The following MICAL2 variants were observed in gnomAD, a reference collection of about 807,000 sequenced individuals.
MICAL2 encodes microtubule associated monooxygenase, calponin and LIM domain containing 2.
Under a neutral mutation model 127.3 loss-of-function variants are expected in MICAL2, and 77 were observed. The ratio of observed to expected loss-of-function variants is 0.60; its 90% CI spans 0.50 to 0.73. The LOEUF (loss-of-function observed/expected upper bound fraction) is 0.73. MICAL2 is among the 30% of genes least tolerant of loss of function. MICAL2 has a pLI of 0.00. For missense variants in MICAL2, 1,351 were observed against 1,434.4 expected, an observed-to-expected ratio of 0.94 and a Z score of 0.94; for synonymous variants, 570 against 551.1, an observed-to-expected ratio of 1.03 and a Z score of -0.48.
chr11:12,182,060 A>C (rs1857543378), intron 3 of MICAL2, among the ~76,000 whole-genome samples: 1 of 152,244 alleles, frequency 6.6e-6, no homozygotes, highest in African/African-American at 2.4e-5. Context: ...TTACACTTAC[A>C]ACTAGAAATT....
intron 2 of MICAL2, among the ~76,000 whole-genome samples, chr11:12,148,781 A>G (rs1853242985): frequency 6.6e-6 from 1 of 151,836 alleles, no homozygotes; most frequent in South Asian, 2.1e-4. Flanking sequence ...CAAAACCATC[A>G]TACAAACTTC....
chr11:12,154,945 G>A (rs1286707673), intron 2 of MICAL2, among the ~76,000 whole-genome samples: 1 of 152,170 alleles, frequency 6.6e-6, no homozygotes, highest in East Asian at 1.9e-4. Flanking sequence ...TCATTTCACA[G>A]CACCCCTACT....
In MICAL2 at chr11:12,298,211, C is replaced by T. The variant is rs527393889; in HGVS notation, c.5212+3354C>T. ...ATTTTACACTTTACAGCACATAGAT[C>T]TAGCATAATTATTAATTTTATTAAT... On this transcript the variant is annotated intron_variant, in intron 29 of 34. Transcript: ENST00000646065. 2.0e-5 allele frequency among the ~76,000 whole-genome samples: 3 copies of T among 152,014 alleles called. No individual in the cohort carries two copies. In the South Asian group the frequency reaches 6.2e-4, roughly 32 times the overall value.
intron 2 of MICAL2, among the ~76,000 whole-genome samples, chr11:12,144,042 G>A (rs562088415): frequency 3.9e-5 from 6 of 152,054 alleles, no homozygotes; most frequent in Non-Finnish European, 8.8e-5. Flanking sequence ...GTCTGCCCCA[G>A]GAAATGAGTT....
chr11:12,346,245 G>T (rs1302748622), intron 32 of MICAL2, among the ~76,000 whole-genome samples: 2 of 152,168 alleles, frequency 1.3e-5, no homozygotes, highest in African/African-American at 2.4e-5. Flanking sequence ...ACCCCGGAGG[G>T]TTCTTCTACC....
chr11:12,204,422 A>G lies in MICAL2; in HGVS notation c.437A>G (p.Tyr146Cys). Residue 146 changes from tyrosine (Y) to cysteine (C), a missense_variant, in exon 4 of 28, where the codon TAT (tyrosine) becomes TGT (cysteine). Transcript: ENST00000683283. ...DLRGLGAKKFYGKFCAGSIDH... is the reference protein window; with the variant it reads ...DLRGLGAKKFCGKFCAGSIDH... Reference sequence around the variant, plus strand: ...CGTGGCCTGGGAGCCAAGAAGTTCTATGGGAAGTTCTGTGCTGGCTCCATC... The same window carrying G: ...CGTGGCCTGGGAGCCAAGAAGTTCTGTGGGAAGTTCTGTGCTGGCTCCATC... 3.1e-6 allele frequency: 5 copies of G among 1,614,152 alleles called. No individual in the cohort carries two copies. The South Asian group carries it at 3.3e-5, about 11-fold the overall frequency.
intron 32 of MICAL2, among the ~76,000 whole-genome samples, chr11:12,327,924 T>C (rs1242238457): frequency 6.6e-6 from 1 of 151,960 alleles, no homozygotes; most frequent in Non-Finnish European, 1.5e-5. Context: ...TGGTTTTTCC[T>C]TTACTACCTG....
downstream of MICAL2, among the ~76,000 whole-genome samples, chr11:12,295,458 C>CT (rs202188149): frequency 0.51 from 60,020 of 116,664 alleles, 14,802 homozygotes; most frequent in Non-Finnish European, 0.6. Context: ...TTTTTTTTTT[C>CT]TTTTTTTTTA....
At chr11:12,152,841 C>G (rs1853746402) in intron 2 of MICAL2, among the ~76,000 whole-genome samples, 1 of 151,964 alleles carries the variant, frequency 6.6e-6, no homozygotes, top group Non-Finnish European at 1.5e-5. Flanking sequence ...TATTTTAACT[C>G]AAAAGTATTT....
intron 3 of MICAL2, among the ~76,000 whole-genome samples, chr11:12,177,444 G>T (rs1228078779): frequency 3.3e-5 from 5 of 152,072 alleles, no homozygotes; most frequent in Non-Finnish European, 5.9e-5. Context: ...TCATTCTGTG[G>T]GTTATCTTTC....
At chr11:12,258,425 A>G (rs1183069990) in intron 24 of MICAL2, 43 bp from the exon 25 acceptor site, 1 of 1,502,732 alleles carries the variant, frequency 6.7e-7, no homozygotes, top group Admixed American at 1.7e-5. Flanking sequence ...GCTCTAGTTT[A>G]CAGGAGAAAA....
At chr11:12,163,470 G>T (rs1349951381) in intron 3 of MICAL2, among the ~76,000 whole-genome samples, 7 of 152,338 alleles carry the variant, frequency 4.6e-5, no homozygotes, top group Non-Finnish European at 8.8e-5. Context: ...GTGGTGAGAA[G>T]CTGTCGAGTC....
chr11:12,269,311 G>T (rs905260788), intron 24 of MICAL2, among the ~76,000 whole-genome samples: 7 of 152,202 alleles, frequency 4.6e-5, no homozygotes, highest in Non-Finnish European at 8.8e-5. Flanking sequence ...AGGAATGCGG[G>T]TATGGGTCCT....
intron 16 of MICAL2, 26 bp downstream of exon 16, chr11:12,236,271 A>G: frequency 6.2e-7 from 1 of 1,610,298 alleles, no homozygotes; most frequent in South Asian, 1.1e-5. Flanking sequence ...GTGGCTTTAA[A>G]CAGAGGCTCG....
intron 29 of MICAL2, among the ~76,000 whole-genome samples, chr11:12,301,579 A>G (rs895180466): frequency 6.6e-6 from 1 of 152,208 alleles, no homozygotes; most frequent in African/African-American, 2.4e-5. Context: ...GTAACATGCT[A>G]TTGCAATAAG....
At chr11:12,290,234 A>G (rs1170246677), downstream of MICAL2, among the ~76,000 whole-genome samples, 1 of 152,176 alleles carries the variant, frequency 6.6e-6, no homozygotes, top group Non-Finnish European at 1.5e-5. Context: ...CATGAGGACC[A>G]CATGTGGAGA....
chr11:12,226,747 G>A (rs1214773163), intron 14 of MICAL2, among the ~76,000 whole-genome samples: 1 of 150,702 alleles, frequency 6.6e-6, no homozygotes, highest in African/African-American at 2.4e-5. Context: ...CTGCCTCCTG[G>A]GTTCACGCCA....
chr11:12,314,486 T>A (rs1834342461), intron 29 of MICAL2, among the ~76,000 whole-genome samples: 2 of 151,806 alleles, frequency 1.3e-5, no homozygotes, highest in African/African-American at 2.4e-5. Flanking sequence ...AACTCTATTT[T>A]TTTTTTCTTT....
chr11:12,155,541 T>TATGCACACACATACATACACAC (rs1260452691), intron 2 of MICAL2, among the ~76,000 whole-genome samples: 1 of 151,948 alleles, frequency 6.6e-6, no homozygotes, highest in Non-Finnish European at 1.5e-5. Context: ...TATATACACA[T>TATGCACACACATACATACACAC]ATGCACACAC....
Sources: allele counts gnomAD v4.1 joint callset (sites outside exome capture counted in the v4.1 genomes callset), GRCh38; gene constraint gnomAD v4.1.1; transcripts MANE v1.5; gene names NCBI Gene and HGNC (gene_info 2026-07-23, HGNC 2026-07-21).